GNG12: variants seen among roughly 807,000 people sequenced by gnomAD.
GNG12 encodes the protein guanine nucleotide-binding protein G(I)/G(S)/G(O) subunit gamma-12.
For synonymous variants in GNG12, 28 were observed against 29.7 expected (o/e 0.94, Z 0.19); for missense variants, 69 against 83.8 (o/e 0.82, Z 0.69).
intron 2 of GNG12, among the ~76,000 whole-genome samples, chr1:67,739,591 C>G (rs751335944): frequency 2.0e-5 from 3 of 152,190 alleles, no homozygotes; most frequent in Non-Finnish European, 2.9e-5. Flanking sequence ...AAGTGGTGTT[C>G]ATGAGCTACA....
At chr1:67,762,144 G>A (rs1383601392) in intron 2 of GNG12, among the ~76,000 whole-genome samples, 1 of 152,180 alleles carries the variant, frequency 6.6e-6, no homozygotes, top group Non-Finnish European at 1.5e-5. Context: ...TAGGGCTACA[G>A]ATCAATACCT....
At chr1:67,803,649 C>T (rs1167218747) in intron 1 of GNG12, among the ~76,000 whole-genome samples, 1 of 152,200 alleles carries the variant, frequency 6.6e-6, no homozygotes, top group Non-Finnish European at 1.5e-5. Flanking sequence ...TTTATCTTCA[C>T]AACAACCTTA....
chr1:67,830,919 T>C (rs1005738516), intron 1 of GNG12, among the ~76,000 whole-genome samples: 5 of 152,272 alleles, frequency 3.3e-5, no homozygotes, highest in Non-Finnish European at 5.9e-5. Context: ...TTTGACCATG[T>C]ACTGCGTGTT....
At chr1:67,817,783 CTTTCTTTTTTTTTT>C (rs1260056589) in intron 1 of GNG12, among the ~76,000 whole-genome samples, 31 of 109,024 alleles carry the variant, frequency 2.8e-4, no homozygotes, top group African/African-American at 8.1e-4. Flanking sequence ...TTGTTTCTTT[CTTTCTTTTTTTTTT>C]TTTTTTTTTT....
rs532169327 is a variant in GNG12, at chr1:67,709,962, TTA to T, written c.-26-2252_-26-2251del. ...TATATATATATAGTTATATATATAG[TTA>T]TATATATAGTTATATATATATAGTT... On this transcript the variant is annotated intron_variant, in intron 2 of 3. Coordinates refer to ENST00000370982, the MANE Select transcript of GNG12 (RefSeq NM_018841.6). Among the ~76,000 whole-genome samples, 3 of 39,610 alleles carry T rather than the reference TTA, an allele frequency of 7.6e-5. 1 individual carries two copies. Among genetic ancestry groups the T allele is most frequent in the African/African-American group, 1.8e-4 (2 of 11,288 alleles). The allele number at this position is 39,610 out of a possible 152,430, so 26.0% of individuals were successfully genotyped here.
At chr1:67,812,826 C>A (rs1173778127) in intron 1 of GNG12, among the ~76,000 whole-genome samples, 1 of 152,226 alleles carries the variant, frequency 6.6e-6, no homozygotes, top group Admixed American at 6.5e-5. Flanking sequence ...TGGCTGGTGG[C>A]TATGACACCA....
chr1:67,728,152 G>A (rs996433067), intron 2 of GNG12, among the ~76,000 whole-genome samples: 1 of 152,192 alleles, frequency 6.6e-6, no homozygotes, highest in African/African-American at 2.4e-5. Context: ...TAACAGGGCT[G>A]CCTTTCAGAA....
chr1:67,762,111 T>C (rs1199001004), intron 2 of GNG12, among the ~76,000 whole-genome samples: 1 of 152,190 alleles, frequency 6.6e-6, no homozygotes, highest in African/African-American at 2.4e-5. Flanking sequence ...CTTTTCCAAA[T>C]GGCAAGCTCT....
chr1:67,783,138 G>T (rs1646746899), intron 1 of GNG12, among the ~76,000 whole-genome samples: 1 of 152,084 alleles, frequency 6.6e-6, no homozygotes. Flanking sequence ...CATGAATTAT[G>T]GCTACTATTT....
chr1:67,725,647 A>T (rs538568953), intron 2 of GNG12, among the ~76,000 whole-genome samples: 2 of 152,218 alleles, frequency 1.3e-5, no homozygotes, highest in African/African-American at 4.8e-5. Flanking sequence ...CTTCTTTTTA[A>T]AAGTGTTACT....
At chr1:67,809,857 G>A (rs1022211814) in intron 1 of GNG12, among the ~76,000 whole-genome samples, 5 of 152,084 alleles carry the variant, frequency 3.3e-5, no homozygotes, top group African/African-American at 1.2e-4. Context: ...TTGGAAGACA[G>A]TTTGGCAGTT....
intron 1 of GNG12, among the ~76,000 whole-genome samples, chr1:67,797,316 CA>C (rs1297706358): frequency 6.6e-6 from 1 of 152,142 alleles, no homozygotes; most frequent in Non-Finnish European, 1.5e-5. Context: ...CTTGTCCTGC[CA>C]TTAAGATACA....
chr1:67,758,674 C>T (rs1646584299), intron 2 of GNG12, among the ~76,000 whole-genome samples: 1 of 152,176 alleles, frequency 6.6e-6, no homozygotes, highest in Admixed American at 6.5e-5. Context: ...AGAACAAACC[C>T]ACCCAAAAAA....
Position 67,769,222 on chromosome 1 carries a change from G to C in GNG12, c.-27+8236C>G, listed in dbSNP as rs374881150. ...TGTCACTTGCTCATTTGAGACGCTGGCTTCACCATGGGTTGGGGGGTCTAT... is the reference window on the plus strand; with the variant it reads ...TGTCACTTGCTCATTTGAGACGCTGCCTTCACCATGGGTTGGGGGGTCTAT... On this transcript the variant is annotated intron_variant, in intron 2 of 3. Coordinates refer to ENST00000370982, the MANE Select transcript of GNG12 (RefSeq NM_018841.6). Among the ~76,000 whole-genome samples the C allele has an allele frequency of 2.2e-4, 33 of 152,196 alleles. No homozygotes were observed. The East Asian group carries it at 3.9e-3, about 18-fold the overall frequency.
At chr1:67,711,183 T>C (rs1228749991) in intron 2 of GNG12, among the ~76,000 whole-genome samples, 2 of 152,230 alleles carry the variant, frequency 1.3e-5, no homozygotes, top group Non-Finnish European at 2.9e-5. Flanking sequence ...TCTATGAATA[T>C]TGTATAGCAA....
intron 1 of GNG12, among the ~76,000 whole-genome samples, chr1:67,822,968 G>A (rs759591723): frequency 1.3e-5 from 2 of 152,092 alleles, no homozygotes; most frequent in African/African-American, 4.8e-5. Context: ...ATGCAACTCC[G>A]ATCCCACATC....
intron 1 of GNG12, among the ~76,000 whole-genome samples, chr1:67,829,453 C>G (rs1051753567): frequency 6.6e-6 from 1 of 152,042 alleles, no homozygotes; most frequent in African/African-American, 2.4e-5. Context: ...AATTACTGAG[C>G]TTTTTTTAGA....
At position 67,822,050 on chromosome 1, in the gene GNG12, C is replaced by T. The variant is rs187446008; in HGVS notation, c.-77+11294G>A. Among the ~76,000 whole-genome samples the T allele has an allele frequency of 3.3e-3, 480 of 146,304 alleles. 10 individuals are homozygous for T. The highest frequency in any genetic ancestry group is 0.023 in the Admixed American group (331 of 14,488). Reference sequence around the variant, plus strand: ...TTGGGCCACAAACAAAATACACTAACGATAGCTGATGAGCTGAAAAAAAAA... The same window carrying T: ...TTGGGCCACAAACAAAATACACTAATGATAGCTGATGAGCTGAAAAAAAAA... On this transcript the variant is annotated intron_variant, in intron 1 of 3. Coordinates refer to ENST00000370982, the MANE Select transcript of GNG12 (RefSeq NM_018841.6).
chr1:67,713,930 T>C (rs535693589), intron 2 of GNG12, among the ~76,000 whole-genome samples: 39 of 152,290 alleles, frequency 2.6e-4, no homozygotes, highest in African/African-American at 9.1e-4. Flanking sequence ...AATTTCAAGG[T>C]AATGTGACCA....
Sources: allele counts gnomAD v4.1 joint callset (sites outside exome capture counted in the v4.1 genomes callset), GRCh38; gene constraint gnomAD v4.1.1; transcripts MANE v1.5; gene names NCBI Gene and HGNC (gene_info 2026-07-23, HGNC 2026-07-21).